The following LSM8 variants were observed in gnomAD, a reference collection of about 807,000 sequenced individuals.
LSM8 encodes the protein LSM8 U6 small nuclear RNA associated.
A neutral mutation model predicts 15.0 loss-of-function variants in LSM8; 14 were observed. The ratio of observed to expected loss-of-function variants is 0.93; its 90% CI spans 0.62 to 1.46. The LOEUF (loss-of-function observed/expected upper bound fraction) is 1.46, where lower values mean the gene tolerates loss of function less well. Among genes scored for constraint, LSM8 ranks in the 40% most tolerant of loss-of-function variants. The pLI is 0.00. For synonymous variants in LSM8, 50 were observed against 42.1 expected (o/e 1.19, Z -0.73); for missense variants, 90 against 115.4 (o/e 0.78, Z 1.01).
rs1426689022 is a variant in LSM8 at position 118,203,043 on chromosome 7, CAT to C, written c.*11042_*11043del. Among the ~76,000 whole-genome samples, 1 of 151,900 alleles carries C rather than the reference CAT, an allele frequency of 6.6e-6. No individual in the cohort carries two copies. The highest frequency in any genetic ancestry group is 1.5e-5 in the Non-Finnish European group (1 of 67,902). On this transcript the variant is annotated 3_prime_UTR_variant, in exon 4 of 4. Transcript: ENST00000249299. The stretch of plus-strand genomic sequence containing the variant: ...CTTAAATCAGTAGGGATATAGAAGA[CAT>C]GAACAATACTTTCATCCATCTTGAC...
At chr7:118,185,286 G>A (rs1477026934) in intron 1 of LSM8, 1 of 188,160 alleles carries the variant, frequency 5.3e-6, no homozygotes, top group South Asian at 2.0e-4. Context: ...TGAGTCGAGG[G>A]TCTCACTCTG....
At position 118,184,229 on chromosome 7, in the gene LSM8, G is replaced by T. The variant is rs936750718; in HGVS notation, c.6G>T (p.Thr2=). 7 of 1,541,124 alleles carry T rather than the reference G, an allele frequency of 4.5e-6. No individual in the cohort carries two copies. In the African/African-American group the frequency reaches 8.4e-5, roughly 18 times the overall value. The change falls in exon 1 of 4, where the codon ACG becomes ACT. Residue 2 remains threonine, a synonymous_variant. Coordinates refer to ENST00000249299, the MANE Select transcript of LSM8 (RefSeq NM_016200.5). ...GAACCGCCGGGCCGAACAGCATGAC[G>T]TCCGCTTTGGAGAACTACATCAACC... is the stretch of plus-strand genomic sequence containing the variant. M[T]SALENYINRT...
At position 118,184,385 on chromosome 7, in the gene LSM8, A is replaced by G. The variant is rs571689451; in HGVS notation, c.31+131A>G. 5.9e-5 allele frequency: 68 copies of G among 1,154,942 alleles called. No homozygotes were observed. In the East Asian group the frequency reaches 1.9e-3, roughly 33 times the overall value. The allele number at this position is 1,154,942 out of a possible 1,614,324, so 71.5% of individuals were successfully genotyped here. ...CGGGCGAGGAGATGAGGGCCCCGGAACGACCCAGAGTTCGCCGGCGGCGCC... is the reference window on the plus strand; with the variant it reads ...CGGGCGAGGAGATGAGGGCCCCGGAGCGACCCAGAGTTCGCCGGCGGCGCC... On this transcript the variant is annotated intron_variant, in intron 1 of 3. Transcript: ENST00000249299.
rs775630340 is a variant in LSM8, at chr7:118,197,058, T to C, written c.*5056T>C. Among the ~76,000 whole-genome samples, 3 of 152,008 alleles carry C rather than the reference T, an allele frequency of 2.0e-5. No individual in the cohort carries two copies. Among genetic ancestry groups the C allele is most frequent in the Non-Finnish European group, 2.9e-5 (2 of 67,972 alleles). Reference sequence around the variant, plus strand: ...CTTTTATTTTACAGAGTATTACTTGTTAGAAATGGCACAGATCAAGCATTG... The same window carrying C: ...CTTTTATTTTACAGAGTATTACTTGCTAGAAATGGCACAGATCAAGCATTG... On this transcript the variant is annotated 3_prime_UTR_variant, in exon 4 of 4. Transcript: ENST00000249299.
Position 118,200,284 on chromosome 7 carries a change from G to C in LSM8, c.*8282G>C, listed in dbSNP as rs1809150719. Among the ~76,000 whole-genome samples the C allele has an allele frequency of 6.6e-6, 1 of 152,076 alleles. No individual in the cohort carries two copies. The highest frequency in any genetic ancestry group is 2.4e-5 in the African/African-American group (1 of 41,428). ...TTCAGAGTCATGAAACAAATCATAAGTAGCTGCTCTGGTGCTCTCTAGAGG... is the reference window on the plus strand; with the variant it reads ...TTCAGAGTCATGAAACAAATCATAACTAGCTGCTCTGGTGCTCTCTAGAGG... On this transcript the variant is annotated 3_prime_UTR_variant, in exon 4 of 4. Coordinates refer to ENST00000249299, the MANE Select transcript of LSM8 (RefSeq NM_016200.5).
Position 118,185,651 on chromosome 7 carries a change from C to G in LSM8, c.32-3C>G. The G allele has an allele frequency of 1.2e-6, 2 of 1,608,068 alleles. No individual in the cohort carries two copies. The highest frequency in any genetic ancestry group is 1.7e-6 in the Non-Finnish European group (2 of 1,174,844). ...GAAACACTTTCTTTGATTCAGTTAT[C>G]AGGAACTGTTGCCGTTATTACATCA... is the stretch of plus-strand genomic sequence containing the variant. On this transcript the variant is annotated splice_region_variant and splice_polypyrimidine_tract_variant and intron_variant, in intron 1 of 3. Coordinates refer to ENST00000249299, the MANE Select transcript of LSM8 (RefSeq NM_016200.5).
intron 1 of LSM8, chr7:118,184,758 A>C (rs2116316180): frequency 6.6e-6 from 1 of 152,618 alleles, no homozygotes; most frequent in Non-Finnish European, 1.5e-5. Context: ...TTGCTGTTGT[A>C]ATGGATTATA....
Position 118,188,354 on chromosome 7 carries a change from AG to A in LSM8, c.154del (p.Val52Ter), listed in dbSNP as rs1418171884. 7 of 1,613,436 alleles carry A rather than the reference AG, an allele frequency of 4.3e-6. No individual in the cohort carries two copies. The highest frequency in any genetic ancestry group is 5.9e-6 in the Non-Finnish European group (7 of 1,179,368). Reference protein sequence around the residue: ...ESHERVFSSSQGVEQVVLGLY... With the variant: ...ESHERVFSSSXGVEQVVLGLY... The stretch of plus-strand genomic sequence containing the variant: ...CATGAACGAGTATTCAGCTCTTCAC[AG>A]GGGGTAGAACAAGTGGTACTAGGAT... On this transcript the variant is annotated frameshift_variant, in exon 3 of 4. Coordinates refer to ENST00000249299, the MANE Select transcript of LSM8 (RefSeq NM_016200.5). LOFTEE classifies it high-confidence loss of function.
rs1562865721 is a variant in LSM8 at position 118,202,399 on chromosome 7, AAGTG to A, written c.*10399_*10402del. Reference sequence around the variant, plus strand: ...TTCAGACTGGGGCACCTACTCAAAGAAGTGACCCAGTACCCAGGCCACTATTTTC... The same window carrying A: ...TTCAGACTGGGGCACCTACTCAAAGAACCCAGTACCCAGGCCACTATTTTC... On this transcript the variant is annotated 3_prime_UTR_variant, in exon 4 of 4. Coordinates refer to ENST00000249299, the MANE Select transcript of LSM8 (RefSeq NM_016200.5). Among the ~76,000 whole-genome samples, 1 of 151,954 alleles carries A rather than the reference AAGTG, an allele frequency of 6.6e-6. No individual in the cohort carries two copies. Among genetic ancestry groups the A allele is most frequent in the Non-Finnish European group, 1.5e-5 (1 of 67,926 alleles).
rs527464061 is a variant in LSM8 at position 118,199,372 on chromosome 7, G to A, written c.*7370G>A. 6.6e-6 allele frequency among the ~76,000 whole-genome samples: 1 copy of A among 152,184 alleles called. No homozygotes were observed. Among genetic ancestry groups the A allele is most frequent in the South Asian group, 2.1e-4 (1 of 4,822 alleles). The stretch of plus-strand genomic sequence containing the variant: ...TTTTAGGGGATTAAAAATCTAAGAC[G>A]TTTAAGGGAACATGAATTTGGATGC... On this transcript the variant is annotated 3_prime_UTR_variant, in exon 4 of 4. Coordinates refer to ENST00000249299, the MANE Select transcript of LSM8 (RefSeq NM_016200.5).
Position 118,196,779 on chromosome 7 carries a change from G to T in LSM8, c.*4777G>T, listed in dbSNP as rs1007331242. 5.4e-5 allele frequency among the ~76,000 whole-genome samples: 8 copies of T among 148,906 alleles called. No individual in the cohort carries two copies. The highest frequency in any genetic ancestry group is 2.1e-4 in the South Asian group (1 of 4,760). On this transcript the variant is annotated 3_prime_UTR_variant, in exon 4 of 4. Transcript: ENST00000249299. ...CACTTCTTGCTCTTTCGCCAGGCTG[G>T]AGTGCAGTGGTGCAATCTTGGCTCA...
chr7:118,191,775 T>G (rs1808986079), intron 3 of LSM8, 137 bp from the exon 4 acceptor site: 1 of 636,552 alleles, frequency 1.6e-6, no homozygotes, highest in Non-Finnish European at 2.7e-6. Flanking sequence ...GCTTTTTACC[T>G]TAATTCTTTT....
At chr7:118,184,376 G>T in intron 1 of LSM8, 122 bp downstream of exon 1, 2 of 1,222,726 alleles carry the variant, frequency 1.6e-6, no homozygotes, top group Non-Finnish European at 2.2e-6. Context: ...AGGAGATGAG[G>T]GCCCCGGAAC....
rs966938961 is a variant in LSM8 at position 118,192,254 on chromosome 7, T to G, written c.*252T>G. ...AATATAATGGGCATTTTGAAAACTTTTAGAAAAAAGTAGTACTTTTTGATA... is the reference window on the plus strand; with the variant it reads ...AATATAATGGGCATTTTGAAAACTTGTAGAAAAAAGTAGTACTTTTTGATA... On this transcript the variant is annotated 3_prime_UTR_variant, in exon 4 of 4. Coordinates refer to ENST00000249299, the MANE Select transcript of LSM8 (RefSeq NM_016200.5). 3 of 300,224 alleles carry G rather than the reference T, an allele frequency of 1.0e-5. No homozygotes were observed. The highest frequency in any genetic ancestry group is 1.8e-5 in the Non-Finnish European group (3 of 163,090). 18.6% of individuals were successfully genotyped at this position (300,224 alleles called of 1,614,324 possible).
In LSM8 at chr7:118,184,277, G is replaced by C. The variant is rs377698451; in HGVS notation, c.31+23G>C. 1.8e-5 allele frequency: 26 copies of C among 1,475,398 alleles called. 1 individual carries two copies. Among genetic ancestry groups the C allele is most frequent in the East Asian group, 5.8e-5 (2 of 34,678 alleles). The allele number at this position is 1,475,398 out of a possible 1,614,324, so 91.4% of individuals were successfully genotyped here. On this transcript the variant is annotated intron_variant, in intron 1 of 3. Coordinates refer to ENST00000249299, the MANE Select transcript of LSM8 (RefSeq NM_016200.5). ...ACCGTATCCTCAAGCTGGCCGCCGC[G>C]GGCGTGAGCCGGGGTCGCGGAGAGG...
rs1809070173 is a variant in LSM8 at position 118,195,949 on chromosome 7, C to G, written c.*3947C>G. Among the ~76,000 whole-genome samples, 1 of 152,142 alleles carries G rather than the reference C, an allele frequency of 6.6e-6. No individual in the cohort carries two copies. Among genetic ancestry groups the G allele is most frequent in the Non-Finnish European group, 1.5e-5 (1 of 68,030 alleles). ...GAGATATCTAGTACTTATGCTCCATCCTGTTTATAGGGATTATTGATGTGA... is the reference window on the plus strand; with the variant it reads ...GAGATATCTAGTACTTATGCTCCATGCTGTTTATAGGGATTATTGATGTGA... On this transcript the variant is annotated 3_prime_UTR_variant, in exon 4 of 4. Coordinates refer to ENST00000249299, the MANE Select transcript of LSM8 (RefSeq NM_016200.5).
rs1161623656 is a variant in LSM8 at position 118,199,628 on chromosome 7, T to G, written c.*7626T>G. ...GCCATGGAAGGAAAACAAGTAACTT[T>G]GCAACAATCTGTTCAACAATGAGAG... is the stretch of plus-strand genomic sequence containing the variant. On this transcript the variant is annotated 3_prime_UTR_variant, in exon 4 of 4. Transcript: ENST00000249299. Among the ~76,000 whole-genome samples, 1 of 152,124 alleles carries G rather than the reference T, an allele frequency of 6.6e-6. No homozygotes were observed. Among genetic ancestry groups the G allele is most frequent in the Non-Finnish European group, 1.5e-5 (1 of 68,018 alleles).
intron 1 of LSM8, chr7:118,184,608 G>C: frequency 5.0e-6 from 1 of 200,104 alleles, no homozygotes; most frequent in Non-Finnish European, 1.0e-5. Flanking sequence ...GGCGACAACA[G>C]TTTTGCAAAT....
Position 118,196,231 on chromosome 7 carries a change from G to C in LSM8, c.*4229G>C, listed in dbSNP as rs139806006. Among the ~76,000 whole-genome samples the C allele has an allele frequency of 4.6e-5, 7 of 152,256 alleles. No individual in the cohort carries two copies. Among genetic ancestry groups the C allele is most frequent in the Admixed American group, 1.3e-4 (2 of 15,290 alleles). Reference sequence around the variant, plus strand: ...TCTTGTGCTTGTGAAGCTTCTATCTGTCTGTATCTACCTCAACCAAATCAT... The same window carrying C: ...TCTTGTGCTTGTGAAGCTTCTATCTCTCTGTATCTACCTCAACCAAATCAT... On this transcript the variant is annotated 3_prime_UTR_variant, in exon 4 of 4. Coordinates refer to ENST00000249299, the MANE Select transcript of LSM8 (RefSeq NM_016200.5).
Sources: allele counts gnomAD v4.1 joint callset (sites outside exome capture counted in the v4.1 genomes callset), GRCh38; gene constraint gnomAD v4.1.1; transcripts MANE v1.5; gene names NCBI Gene and HGNC (gene_info 2026-07-23, HGNC 2026-07-21).